The following CPVL variants were observed in gnomAD, a reference collection of about 807,000 sequenced individuals.
CPVL encodes the protein carboxypeptidase vitellogenic like, also known as probable serine carboxypeptidase CPVL.
CPVL carries 51 observed loss-of-function variants against 63.7 expected under a neutral mutation model. The observed-to-expected ratio is 0.80, with a 90% confidence interval of 0.64 to 1.01. CPVL has a LOEUF of 1.01. CPVL is among the 50% of genes least tolerant of loss of function. The pLI, the probability that CPVL is intolerant of heterozygous loss-of-function variation, is 0.00. For synonymous variants in CPVL, 195 were observed against 206.0 expected (o/e 0.95, Z 0.46); for missense variants, 530 against 573.1 (o/e 0.92, Z 0.77).
At chr7:29,146,403 A>T in intron 1 of CPVL, 26 bp downstream of exon 1, 1 of 906,068 alleles carries the variant, frequency 1.1e-6, no homozygotes, top group Non-Finnish European at 1.6e-6. Context: ...AGCTGGCACG[A>T]CCCACGCAGG....
At chr7:29,069,519 A>G (rs559328121) in intron 9 of CPVL, among the ~76,000 whole-genome samples, 20 of 152,156 alleles carry the variant, frequency 1.3e-4, no homozygotes, top group African/African-American at 4.8e-4. Context: ...GAAACTAAGA[A>G]CTTTGTGATT....
chr7:29,136,875 T>C (rs553027070), intron 1 of CPVL, among the ~76,000 whole-genome samples: 8 of 152,310 alleles, frequency 5.3e-5, no homozygotes, highest in Admixed American at 5.2e-4. Flanking sequence ...GGATGTATTC[T>C]TTATTTATCC....
At chr7:29,021,735 C>T (rs1024272094) in intron 12 of CPVL, among the ~76,000 whole-genome samples, 2 of 151,958 alleles carry the variant, frequency 1.3e-5, no homozygotes, top group African/African-American at 4.8e-5. Context: ...GATGTTCACA[C>T]TGGGTCCCAC....
intron 5 of CPVL, among the ~76,000 whole-genome samples, chr7:29,163,433 C>T (rs1184279586): frequency 1.3e-5 from 2 of 151,990 alleles, no homozygotes; most frequent in Non-Finnish European, 2.9e-5. Context: ...ATATGTGATT[C>T]ATATTATATT....
At position 29,185,593 on chromosome 7, in the gene CPVL, AT is replaced by A. The variant is rs1485025808; in HGVS notation, c.-343del. 4.0e-5 allele frequency: 6 copies of A among 149,866 alleles called. No homozygotes were observed. The East Asian group carries it at 1.2e-3, about 29-fold the overall frequency. The allele number at this position is 149,866 out of a possible 1,614,324, so 9.3% of individuals were successfully genotyped here. On this transcript the variant is annotated 5_prime_UTR_variant, in exon 3 of 17. Transcript: ENST00000409850. ...TATCAAACCTTAGCAGCATATCAAA[AT>A]CACCTGGGAATTAAAAAAAAAAAGG...
chr7:29,000,511 T>C lies in CPVL; in HGVS notation c.1321-4629A>G, dbSNP rs75575037. 3.1e-3 allele frequency among the ~76,000 whole-genome samples: 466 copies of C among 152,050 alleles called. 3 individuals carry two copies. Among genetic ancestry groups the C allele is most frequent in the African/African-American group, 0.011 (442 of 41,482 alleles). ...GGATCACCGCAGACAAAGGAAATTC[T>C]GTGTGGAAATGCAGGGGCCGTGAAG... On this transcript the variant is annotated intron_variant, in intron 12 of 12. Coordinates refer to ENST00000265394, the MANE Select transcript of CPVL (RefSeq NM_031311.5).
chr7:29,008,526 T>C (rs557056031), intron 12 of CPVL, among the ~76,000 whole-genome samples: 2 of 152,370 alleles, frequency 1.3e-5, no homozygotes, highest in Admixed American at 6.5e-5. Flanking sequence ...ACTTTTAAAA[T>C]ACCACAAGGC....
At chr7:29,185,670 T>A (rs1798617381) in intron 2 of CPVL, 1 of 152,312 alleles carries the variant, frequency 6.6e-6, no homozygotes, top group Middle Eastern at 3.4e-3. Context: ...ATTTGTTTAT[T>A]CTGGAGCGTG....
chr7:29,064,032 TA>T, intron 11 of CPVL, 28 bp downstream of exon 11: 1 of 1,537,052 alleles, frequency 6.5e-7, no homozygotes. Context: ...TGAAAGTTCC[TA>T]AAATAGTAAC....
chr7:29,005,783 T>C (rs545363548), intron 12 of CPVL, among the ~76,000 whole-genome samples: 1 of 152,360 alleles, frequency 6.6e-6, no homozygotes, highest in East Asian at 1.9e-4. Context: ...TAATCAAGAT[T>C]TCCCATCCTC....
At chr7:29,149,106 T>A (rs962594403), upstream of CPVL, among the ~76,000 whole-genome samples, 9 of 151,188 alleles carry the variant, frequency 6.0e-5, no homozygotes, top group African/African-American at 2.2e-4. Flanking sequence ...AAAATTAGAC[T>A]GGAGCCAGCT....
intron 6 of CPVL, among the ~76,000 whole-genome samples, 197 bp downstream of exon 6, chr7:29,092,426 G>C (rs1251725205): frequency 6.6e-6 from 1 of 152,136 alleles, no homozygotes; most frequent in Non-Finnish European, 1.5e-5. Context: ...CAGATGTCTG[G>C]TTGAAAGGTT....
chr7:29,117,905 T>C (rs568958322), intron 2 of CPVL, among the ~76,000 whole-genome samples: 6 of 152,348 alleles, frequency 3.9e-5, no homozygotes, highest in African/African-American at 1.2e-4. Context: ...TAGCTACTTA[T>C]TATTTTTACA....
chr7:29,115,877 T>C (rs1390197702), intron 2 of CPVL, among the ~76,000 whole-genome samples: 1 of 152,046 alleles, frequency 6.6e-6, no homozygotes, highest in African/African-American at 2.4e-5. Context: ...CCACACAGGG[T>C]CCACAGACTG....
At chr7:29,078,780 C>T (rs1784443796) in intron 7 of CPVL, among the ~76,000 whole-genome samples, 2 of 152,188 alleles carry the variant, frequency 1.3e-5, no homozygotes, top group Admixed American at 1.3e-4. Flanking sequence ...TGTCCAAAAG[C>T]CAGAGATCCA....
chr7:29,173,992 T>C (rs1479926262), intron 5 of CPVL, among the ~76,000 whole-genome samples: 1 of 151,700 alleles, frequency 6.6e-6, no homozygotes, highest in Non-Finnish European at 1.5e-5. Context: ...TATGCACTCA[T>C]ATCTCATATT....
intron 1 of CPVL, among the ~76,000 whole-genome samples, chr7:29,141,951 T>C (rs1330113898): frequency 6.6e-6 from 1 of 151,824 alleles, no homozygotes; most frequent in Non-Finnish European, 1.5e-5. Context: ...TGTGAAAAGA[T>C]AGACAAGTTC....
chr7:29,055,430 T>C (rs1279922976), intron 11 of CPVL, among the ~76,000 whole-genome samples: 1 of 152,234 alleles, frequency 6.6e-6, no homozygotes, highest in East Asian at 1.9e-4. Flanking sequence ...TTTACTTTTT[T>C]AGTAGAGATG....
intron 1 of CPVL, among the ~76,000 whole-genome samples, chr7:29,128,439 G>T (rs531465196): frequency 6.6e-6 from 1 of 151,982 alleles, no homozygotes; most frequent in Admixed American, 6.6e-5. Flanking sequence ...CTCTGGGCCC[G>T]GCATGATGGC....
Sources: allele counts gnomAD v4.1 joint callset (sites outside exome capture counted in the v4.1 genomes callset), GRCh38; gene constraint gnomAD v4.1.1; transcripts MANE v1.5; gene names NCBI Gene and HGNC (gene_info 2026-07-23, HGNC 2026-07-21).